The following MAX variants were observed in gnomAD, a reference collection of about 807,000 sequenced individuals.
The protein encoded by MAX is MYC associated transcriptional regulator X.
A neutral mutation model predicts 22.3 loss-of-function variants in MAX; 3 were observed. The observed-to-expected ratio is 0.13, with a 90% CI of 0.06 to 0.35. The LOEUF is 0.35. MAX is among the 10% of genes least tolerant of loss of function. The pLI, the probability that MAX is intolerant of heterozygous loss-of-function variation, is 1.00. For missense variants in MAX, 119 were observed against 209.4 expected (o/e 0.57, Z 2.66); for synonymous variants, 72 against 77.7 (o/e 0.93, Z 0.39).
At chr14:65,092,680 C>T (rs185773379) in intron 3 of MAX, among the ~76,000 whole-genome samples, 46 of 152,240 alleles carry the variant, frequency 3.0e-4, no homozygotes, top group African/African-American at 1.1e-3. Flanking sequence ...TCCATGTTTA[C>T]GCCACATGGA....
At chr14:65,035,202 AC>A (rs2062161531) in intron 3 of MAX, among the ~76,000 whole-genome samples, 1 of 151,834 alleles carries the variant, frequency 6.6e-6, no homozygotes, top group African/African-American at 2.4e-5. Flanking sequence ...CTGACCCCTG[AC>A]CCCTGGCCTG....
At chr14:65,070,945 C>T (rs1054114621), downstream of MAX, among the ~76,000 whole-genome samples, 12 of 152,216 alleles carry the variant, frequency 7.9e-5, no homozygotes, top group African/African-American at 2.7e-4. The surrounding 1 kb of genome is among the most constrained non-coding windows in gnomAD (Gnocchi z 4.4). Flanking sequence ...TCTGAGCCAG[C>T]CTGCAAGGGT....
chr14:65,027,909 A>G lies in MAX; in HGVS notation c.172-21625T>C. 3.3e-6 allele frequency: 4 copies of G among 1,197,760 alleles called. No homozygotes were observed. Among genetic ancestry groups the G allele is most frequent in the Non-Finnish European group, 4.8e-6 (4 of 839,188 alleles). The allele number at this position is 1,197,760 out of a possible 1,614,324, so 74.2% of individuals were successfully genotyped here. On this transcript the variant is annotated intron_variant, in intron 3 of 3. Coordinates refer to the MAX transcript ENST00000341653. The surrounding 1 kb of genome is among the most constrained non-coding windows in gnomAD (Gnocchi z 5.7). ...GTCCCAGAATGACACATGGGATGAC[A>G]TGTCAGTGACACGTCAGAATCATTC...
At chr14:65,022,884 T>A (rs1389148543) in intron 3 of MAX, among the ~76,000 whole-genome samples, 1 of 152,196 alleles carries the variant, frequency 6.6e-6, no homozygotes, top group Non-Finnish European at 1.5e-5. Context: ...TCATGTGCCT[T>A]ACCCATCCCC....
At position 65,088,095 on chromosome 14, in the gene MAX, C is replaced by T. The variant is rs556561278; in HGVS notation, c.171+5613G>A. 6.6e-5 allele frequency among the ~76,000 whole-genome samples: 10 copies of T among 152,322 alleles called. No homozygotes were observed. The South Asian group carries it at 2.1e-3, about 32-fold the overall frequency. ...CCATGATTGTGAGGCTTCCTTCCAGCCACGTGGAACTGTAAGTCCACTAAA... is the reference window on the plus strand; with the variant it reads ...CCATGATTGTGAGGCTTCCTTCCAGTCACGTGGAACTGTAAGTCCACTAAA... On this transcript the variant is annotated intron_variant, in intron 3 of 4. Coordinates refer to ENST00000358664, the MANE Select transcript of MAX (RefSeq NM_002382.5). The surrounding 1 kb of genome is among the most constrained non-coding windows in gnomAD (Gnocchi z 5.2).
At chr14:65,060,474 A>C (rs1414877220) in intron 3 of MAX, among the ~76,000 whole-genome samples, 1 of 129,840 alleles carries the variant, frequency 7.7e-6, no homozygotes, top group Non-Finnish European at 1.5e-5. Context: ...AGGCGGGCGG[A>C]TCACGAGGTC....
downstream of MAX, among the ~76,000 whole-genome samples, chr14:65,070,520 A>G (rs770862724): frequency 2.6e-5 from 4 of 152,220 alleles, no homozygotes; most frequent in Non-Finnish European, 5.9e-5. This position sits in a 1 kb window ranked among gnomAD's most constrained non-coding sequence, Gnocchi z 4.4. Context: ...GGCAGCTGGC[A>G]TCTAGCACAG....
intron 3 of MAX, among the ~76,000 whole-genome samples, chr14:65,016,016 A>G (rs1012680822): frequency 6.6e-6 from 1 of 152,204 alleles, no homozygotes; most frequent in African/African-American, 2.4e-5. Context: ...CAACTCTGAG[A>G]GACAAGATTT....
At chr14:65,063,309 C>G (rs887932101) in intron 3 of MAX, among the ~76,000 whole-genome samples, 1 of 152,208 alleles carries the variant, frequency 6.6e-6, no homozygotes, top group African/African-American at 2.4e-5. Context: ...GCAAAATCCT[C>G]TCAGCACTCG....
chr14:65,088,981 A>T lies in MAX; in HGVS notation c.171+4727T>A, dbSNP rs956976781. On this transcript the variant is annotated intron_variant, in intron 3 of 4. Coordinates refer to ENST00000358664, the MANE Select transcript of MAX (RefSeq NM_002382.5). The surrounding 1 kb of genome is among the most constrained non-coding windows in gnomAD (Gnocchi z 5.2). ...AGATTTTAATGGAAATGAAACTGAG[A>T]TTAACTCAATGTAAAGCTCTTATCT... Among the ~76,000 whole-genome samples the T allele has an allele frequency of 6.6e-6, 1 of 152,176 alleles. No homozygotes were observed. The highest frequency in any genetic ancestry group is 2.1e-4 in the South Asian group (1 of 4,828).
At chr14:65,096,756 C>T (rs1352528970) in intron 2 of MAX, among the ~76,000 whole-genome samples, 1 of 152,162 alleles carries the variant, frequency 6.6e-6, no homozygotes, top group Non-Finnish European at 1.5e-5. Flanking sequence ...TAAAACTCTA[C>T]TCAGATGAGC....
At chr14:65,006,156 C>CTT (rs367570902), downstream of MAX, 109,124 of 1,469,542 alleles carry the variant, frequency 0.074, 1,278 homozygotes, top group Admixed American at 0.097. Context: ...ACCTTTGTGT[C>CTT]TTTTTTTTTT....
intron 3 of MAX, chr14:65,061,031 C>T (rs530361794): frequency 2.9e-5 from 38 of 1,289,646 alleles, no homozygotes; most frequent in Non-Finnish European, 3.8e-5. Flanking sequence ...ATAGTTTTAG[C>T]AAATACACCA....
chr14:65,053,908 A>G (rs1018238397), intron 3 of MAX, among the ~76,000 whole-genome samples: 1 of 152,138 alleles, frequency 6.6e-6, no homozygotes, highest in Non-Finnish European at 1.5e-5. Flanking sequence ...GATGTGGCCC[A>G]TTTCTAGATA....
intron 3 of MAX, among the ~76,000 whole-genome samples, chr14:65,037,586 C>T (rs1052604384): frequency 2.0e-5 from 3 of 148,616 alleles, no homozygotes; most frequent in African/African-American, 4.9e-5. Context: ...ATCCACCATC[C>T]GCTAATTTTT....
Position 65,011,167 on chromosome 14 carries a change from G to A in MAX, c.172-4883C>T, listed in dbSNP as rs2061677197. On this transcript the variant is annotated intron_variant, in intron 3 of 3. Transcript: ENST00000341653. The surrounding 1 kb of genome is among the most constrained non-coding windows in gnomAD (Gnocchi z 4.0). The stretch of plus-strand genomic sequence containing the variant: ...TGAAGGGCTGGGTGCGGTGGCTCAC[G>A]CCTGTAATCCCAGCATTTTGGGAGG... 6.6e-6 allele frequency among the ~76,000 whole-genome samples: 1 copy of A among 152,146 alleles called. No individual in the cohort carries two copies. The highest frequency in any genetic ancestry group is 2.4e-5 in the African/African-American group (1 of 41,432).
At chr14:65,050,928 A>G (rs902059381) in intron 3 of MAX, among the ~76,000 whole-genome samples, 49 of 152,248 alleles carry the variant, frequency 3.2e-4, no homozygotes, top group African/African-American at 1.1e-3. Flanking sequence ...AAGGAACTGG[A>G]AACAACCTTG....
chr14:65,020,732 C>CAT (rs1483981809), intron 3 of MAX, among the ~76,000 whole-genome samples: 3 of 112,738 alleles, frequency 2.7e-5, no homozygotes, highest in Non-Finnish European at 4.1e-5. Context: ...CCGCGCCCGG[C>CAT]CTTTTTTTTT....
At chr14:65,055,504 ATT>A in intron 3 of MAX, among the ~76,000 whole-genome samples, 1 of 151,454 alleles carries the variant, frequency 6.6e-6, no homozygotes, top group South Asian at 2.1e-4. Flanking sequence ...GTTTAAAAAA[ATT>A]TTTTTTTTAA....
Sources: gnomAD v4.1 joint callset for allele counts (sites outside exome capture counted in the v4.1 genomes callset) on GRCh38, gnomAD v4.1.1 for gene constraint, Gnocchi (gnomAD v3.1) non-coding constraint, MANE v1.5 for transcripts, NCBI Gene and HGNC (gene_info 2026-07-23, HGNC 2026-07-21) for gene names.